Variants in CALN1 observed in about 807,000 individuals in gnomAD.
CALN1 encodes the protein calcium-binding protein 8.
Under a neutral mutation model 30.6 loss-of-function variants are expected in CALN1, and 17 were observed. The observed-to-expected ratio is 0.56, with a 90% CI of 0.38 to 0.83. The LOEUF (loss-of-function observed/expected upper bound fraction) is 0.83. Ranked by LOEUF, CALN1 falls within the 40% of genes least tolerant of loss-of-function variation. The pLI is 0.00. For synonymous variants in CALN1, 156 were observed against 131.4 expected, an observed-to-expected ratio of 1.19 and a Z score of -1.28; for missense variants, 291 against 354.9, an observed-to-expected ratio of 0.82 and a Z score of 1.45.
In CALN1 at chr7:72,022,876, A is replaced by C. The variant is rs1056742343; in HGVS notation, c.501+781T>G. ...TGCAACCCTTATCTAGGTTAGAGAA[A>C]TCTCCTGGTGAAGGGAAAAAACAAA... On this transcript the variant is annotated intron_variant, in intron 5 of 6. Transcript: ENST00000395275. 2.6e-5 allele frequency among the ~76,000 whole-genome samples: 4 copies of C among 151,730 alleles called. No individual in the cohort carries two copies. In the East Asian group the frequency reaches 5.8e-4, roughly 22 times the overall value.
chr7:72,356,257 G>C (rs930262526), intron 2 of CALN1, among the ~76,000 whole-genome samples: 4 of 150,070 alleles, frequency 2.7e-5, no homozygotes, highest in African/African-American at 1.0e-4. Context: ...AAGGAGCACT[G>C]GAAATACCAA....
At chr7:71,808,431 A>C (rs1055614834) in intron 6 of CALN1, among the ~76,000 whole-genome samples, 1 of 151,628 alleles carries the variant, frequency 6.6e-6, no homozygotes, top group African/African-American at 2.4e-5. Context: ...TAATACTTGC[A>C]GTATGGTTAT....
Position 71,867,389 on chromosome 7 carries a change from T to C in CALN1, c.502-56897A>G, listed in dbSNP as rs146021878. On this transcript the variant is annotated intron_variant, in intron 5 of 6. Transcript: ENST00000395275. ...TGACCACATGTAGGTTTGAATGCATTTGGTGGTGTGTTGTGGGGAGAGATG... is the reference window on the plus strand; with the variant it reads ...TGACCACATGTAGGTTTGAATGCATCTGGTGGTGTGTTGTGGGGAGAGATG... 1.9e-4 allele frequency among the ~76,000 whole-genome samples: 29 copies of C among 152,074 alleles called. No individual in the cohort carries two copies. In the East Asian group the frequency reaches 5.6e-3, roughly 29 times the overall value.
intron 3 of CALN1, among the ~76,000 whole-genome samples, chr7:72,208,634 C>T (rs762426071): frequency 7.2e-5 from 11 of 152,150 alleles, no homozygotes; most frequent in Non-Finnish European, 1.5e-4. Context: ...ATTCCTTCTT[C>T]TTGCTTTTCC....
At chr7:71,955,400 T>C (rs143772221) in intron 5 of CALN1, among the ~76,000 whole-genome samples, 112 of 152,048 alleles carry the variant, frequency 7.4e-4, no homozygotes, top group Admixed American at 1.2e-3. Context: ...AGCGGAGAGG[T>C]TGAAAAGCTG....
chr7:71,805,251 G>T (rs1787537934), intron 6 of CALN1, among the ~76,000 whole-genome samples: 1 of 152,126 alleles, frequency 6.6e-6, no homozygotes, highest in Admixed American at 6.6e-5. Context: ...CTTCCTAATT[G>T]GTGTGATTAC....
At chr7:72,366,893 G>C (rs2944800) in intron 2 of CALN1, among the ~76,000 whole-genome samples, 149,687 of 152,128 alleles carry the variant, frequency 0.98, 73,681 homozygotes, top group Middle Eastern at 1. Context: ...CAGCACTATC[G>C]AGAATAGCCC....
At chr7:71,863,317 G>A (rs1791401005) in intron 5 of CALN1, among the ~76,000 whole-genome samples, 1 of 151,672 alleles carries the variant, frequency 6.6e-6, no homozygotes, top group South Asian at 2.1e-4. Context: ...CAGCACTTTG[G>A]GAGGCCAAGG....
At chr7:72,161,651 T>C (rs1391943176) in intron 3 of CALN1, among the ~76,000 whole-genome samples, 1 of 152,124 alleles carries the variant, frequency 6.6e-6, no homozygotes, top group Non-Finnish European at 1.5e-5. Flanking sequence ...GACTCAACTA[T>C]TTTGAGCTAG....
intron 5 of CALN1, among the ~76,000 whole-genome samples, chr7:71,951,075 T>C (rs1192816305): frequency 1.3e-5 from 2 of 152,134 alleles, no homozygotes; most frequent in East Asian, 3.9e-4. Flanking sequence ...CTGCCCCATC[T>C]CTCTCATTCA....
At chr7:72,459,422 A>G in the CALN1 span, among the ~76,000 whole-genome samples, 3 of 152,134 alleles carry the variant, frequency 2.0e-5, no homozygotes, top group Admixed American at 1.3e-4. Context: ...TTTTCCTGAC[A>G]TTGCCAAAAT....
chr7:71,861,596 G>A (rs1791280759), intron 5 of CALN1, among the ~76,000 whole-genome samples: 1 of 150,572 alleles, frequency 6.6e-6, no homozygotes, highest in African/African-American at 2.4e-5. Context: ...GTAACATAGT[G>A]AGACCCTGTG....
At chr7:72,199,475 C>T (rs1029173452) in intron 3 of CALN1, among the ~76,000 whole-genome samples, 24 of 152,166 alleles carry the variant, frequency 1.6e-4, no homozygotes, top group South Asian at 4.2e-4. Flanking sequence ...CAGGCTGAGC[C>T]GGGGGGCATT....
chr7:72,062,015 A>T (rs1396381693), intron 4 of CALN1, among the ~76,000 whole-genome samples: 1 of 152,166 alleles, frequency 6.6e-6, no homozygotes, highest in Non-Finnish European at 1.5e-5. Flanking sequence ...TCATCATAAA[A>T]CACTGAGACC....
chr7:72,312,002 G>A lies in CALN1; in HGVS notation c.120-33192C>T, dbSNP rs1024662380. ...GTGGCAGAAGCAACCTGCCACAGGC[G>A]CCACTTCCAGCTGAGTAAGATCCAT... On this transcript the variant is annotated intron_variant, in intron 2 of 6. Coordinates refer to ENST00000395275, the MANE Select transcript of CALN1 (RefSeq NM_031468.4). 3.9e-5 allele frequency among the ~76,000 whole-genome samples: 6 copies of A among 152,016 alleles called. No homozygotes were observed. In the East Asian group the frequency reaches 5.8e-4, roughly 15 times the overall value.
chr7:72,415,410 C>T (rs141195980), upstream of CALN1, among the ~76,000 whole-genome samples: 606 of 152,312 alleles, frequency 4.0e-3, 2 homozygotes, highest in Middle Eastern at 0.041. Flanking sequence ...TTGTGCAAGG[C>T]GGTAGCCACG....
intron 3 of CALN1, among the ~76,000 whole-genome samples, chr7:72,158,574 C>T (rs1183884262): frequency 6.6e-6 from 1 of 152,186 alleles, no homozygotes; most frequent in Admixed American, 6.5e-5. Context: ...GCCACTGAGA[C>T]CTGAGAGTAA....
At chr7:71,834,437 G>A (rs978168540) in intron 5 of CALN1, among the ~76,000 whole-genome samples, 1 of 149,962 alleles carries the variant, frequency 6.7e-6, no homozygotes, top group Non-Finnish European at 1.5e-5. Flanking sequence ...TACGTATATA[G>A]AAGTGGTTGA....
At chr7:72,389,786 G>A (rs1805460640) in intron 2 of CALN1, among the ~76,000 whole-genome samples, 1 of 152,080 alleles carries the variant, frequency 6.6e-6, no homozygotes, top group Admixed American at 6.5e-5. Flanking sequence ...AGGCACAGTG[G>A]TGCATGCCTG....
Sources: gnomAD v4.1 joint callset for allele counts (sites outside exome capture counted in the v4.1 genomes callset) on GRCh38, gnomAD v4.1.1 for gene constraint, MANE v1.5 for transcripts, NCBI Gene and HGNC (gene_info 2026-07-23, HGNC 2026-07-21) for gene names.